Variants in GRIN3A observed in about 807,000 individuals in gnomAD.
The protein encoded by GRIN3A is glutamate receptor ionotropic, NMDA 3A.
Under a neutral mutation model 92.4 loss-of-function variants are expected in GRIN3A, and 47 were observed. The ratio of observed to expected loss-of-function variants is 0.51; its 90% CI spans 0.40 to 0.65. GRIN3A has a LOEUF of 0.65. Ranked by LOEUF, GRIN3A falls within the 30% of genes least tolerant of loss-of-function variation. The pLI is 0.00. For synonymous variants in GRIN3A, 527 were observed against 540.6 expected (o/e 0.97, Z 0.35); for missense variants, 1,324 against 1,393.1 (o/e 0.95, Z 0.79).
chr9:101,683,637 C>T (rs1223895551), intron 2 of GRIN3A, among the ~76,000 whole-genome samples: 2 of 152,136 alleles, frequency 1.3e-5, no homozygotes, highest in Non-Finnish European at 2.9e-5. Context: ...TAAAAAGTCT[C>T]AGGTATACTT....
intron 3 of GRIN3A, among the ~76,000 whole-genome samples, chr9:101,646,299 G>C (rs377254521): frequency 6.8e-4 from 103 of 151,922 alleles, no homozygotes; most frequent in African/African-American, 2.5e-3. Context: ...TGGAGATCCA[G>C]TTTTCCTAGT....
chr9:101,605,881 A>G (rs535822966), intron 6 of GRIN3A, among the ~76,000 whole-genome samples: 3 of 152,332 alleles, frequency 2.0e-5, no homozygotes, highest in African/African-American at 2.4e-5. Context: ...TCAGTACTCA[A>G]TAACAACGGA....
rs532013422 is a variant in GRIN3A at position 101,732,504 on chromosome 9, A to G, written c.699+4777T>C. ...GGTAATACAGAAACAGTACTGTGGC[A>G]TGTCTTCTTTTTCCAGGCAAGTGTG... is the stretch of plus-strand genomic sequence containing the variant. On this transcript the variant is annotated intron_variant, in intron 1 of 8. Coordinates refer to ENST00000361820, the MANE Select transcript of GRIN3A (RefSeq NM_133445.3). Among the ~76,000 whole-genome samples the G allele has an allele frequency of 2.2e-3, 329 of 152,254 alleles. 4 individuals carry two copies. The highest frequency in any genetic ancestry group is 3.1e-3 in the Non-Finnish European group (211 of 68,014).
At chr9:101,720,015 T>A (rs78457317) in intron 1 of GRIN3A, among the ~76,000 whole-genome samples, 5,683 of 152,138 alleles carry the variant, frequency 0.037, 116 homozygotes, top group African/African-American at 0.054. Flanking sequence ...CATGGGAGCA[T>A]CCAAGATAAA....
intron 1 of GRIN3A, among the ~76,000 whole-genome samples, chr9:101,694,955 G>A (rs997950971): frequency 4.6e-5 from 7 of 152,118 alleles, no homozygotes; most frequent in East Asian, 1.9e-4. Flanking sequence ...AGAAAGAGGT[G>A]GCTTTATTTG....
chr9:101,663,361 G>A (rs886211130), intron 3 of GRIN3A, among the ~76,000 whole-genome samples: 10 of 151,788 alleles, frequency 6.6e-5, no homozygotes, highest in African/African-American at 2.4e-4. Flanking sequence ...ATTCCATGTT[G>A]CAAGGACAGT....
At chr9:101,574,804 A>G (rs113844824) in intron 8 of GRIN3A, among the ~76,000 whole-genome samples, 3 of 152,018 alleles carry the variant, frequency 2.0e-5, no homozygotes, top group African/African-American at 4.8e-5. Context: ...GCACATTTCC[A>G]CTCTCTTGGA....
At chr9:101,660,407 C>T (rs983850589) in intron 3 of GRIN3A, among the ~76,000 whole-genome samples, 2 of 151,816 alleles carry the variant, frequency 1.3e-5, no homozygotes, top group Non-Finnish European at 2.9e-5. Flanking sequence ...TACCTCAATC[C>T]TACTGGTCTC....
At position 101,613,475 on chromosome 9, in the gene GRIN3A, C is replaced by T. The variant is rs568775285; in HGVS notation, c.2667G>A (p.Glu889=). ...CATGTGACTTGTATTGACTGATTAG[C>T]TCGGATATGTTGGCGGTCAATGGAG... ...PNSPLTANIS[E]LISQYKSHGF... The change falls in exon 6 of 9, where the codon GAG becomes GAA. Residue 889 remains glutamate (E), a synonymous_variant. Coordinates refer to ENST00000361820, the MANE Select transcript of GRIN3A (RefSeq NM_133445.3). 68 of 1,614,162 alleles carry T rather than the reference C, an allele frequency of 4.2e-5. No homozygotes were observed. The East Asian group carries it at 1.1e-3, about 26-fold the overall frequency.
intron 2 of GRIN3A, among the ~76,000 whole-genome samples, chr9:101,673,932 A>G (rs1248195529): frequency 6.6e-6 from 1 of 152,086 alleles, no homozygotes; most frequent in African/African-American, 2.4e-5. Context: ...TGTCACTGGA[A>G]CAGAGAGCAA....
chr9:101,654,860 G>A (rs1405138940), intron 3 of GRIN3A, among the ~76,000 whole-genome samples: 1 of 151,796 alleles, frequency 6.6e-6, no homozygotes, highest in Non-Finnish European at 1.5e-5. Context: ...TTGCTAAAGT[G>A]TAAGATTTTG....
intron 1 of GRIN3A, among the ~76,000 whole-genome samples, chr9:101,711,813 A>T (rs546020952): frequency 1.3e-5 from 2 of 152,298 alleles, no homozygotes; most frequent in Admixed American, 1.3e-4. Context: ...AGCTAAGATA[A>T]TTAAGGCTCC....
chr9:101,627,236 A>G (rs1402099846), intron 4 of GRIN3A, among the ~76,000 whole-genome samples: 1 of 152,218 alleles, frequency 6.6e-6, no homozygotes, highest in African/African-American at 2.4e-5. Flanking sequence ...TAAAAGTGGC[A>G]TTTCATAATA....
intron 5 of GRIN3A, among the ~76,000 whole-genome samples, chr9:101,618,900 A>G (rs576744304): frequency 6.6e-6 from 1 of 152,194 alleles, no homozygotes; most frequent in Non-Finnish European, 1.5e-5. Context: ...TGGCTTTGCA[A>G]TAAAGACAGG....
chr9:101,724,193 G>A (rs1435314723), intron 1 of GRIN3A, among the ~76,000 whole-genome samples: 2 of 152,212 alleles, frequency 1.3e-5, no homozygotes, highest in East Asian at 1.9e-4. Flanking sequence ...GGCTCGGGCC[G>A]CACAGGAGCC....
chr9:101,737,941 G>T lies in GRIN3A; in HGVS notation c.39C>A (p.Val13=). 1 of 1,538,066 alleles carries T rather than the reference G, an allele frequency of 6.5e-7. No homozygotes were observed. Among genetic ancestry groups the T allele is most frequent in the Non-Finnish European group, 8.7e-7 (1 of 1,148,632 alleles). The change falls in exon 1 of 9, where the codon GTC becomes GTA. Residue 13 remains valine (V), a synonymous_variant. Transcript: ENST00000361820. ...RLSLWWLLSR[V]CLLLPPPCAL... ...CGCAGGGCGGCGGCAACAGCAGACA[G>T]ACCCTGCTCAGCAGCCACCACAAAC...
intron 3 of GRIN3A, among the ~76,000 whole-genome samples, chr9:101,652,933 T>A (rs1177100977): frequency 2.3e-5 from 1 of 43,078 alleles, no homozygotes; most frequent in Non-Finnish European, 5.5e-5. Flanking sequence ...TCCTTGTGAT[T>A]TTTTTTAGGG....
intron 3 of GRIN3A, among the ~76,000 whole-genome samples, chr9:101,638,983 C>T (rs537465179): frequency 1.3e-5 from 2 of 152,290 alleles, no homozygotes; most frequent in Admixed American, 6.5e-5. Flanking sequence ...CTGGTTTATG[C>T]GCTTGGCCCT....
At chr9:101,615,279 A>T (rs1346669874) in intron 5 of GRIN3A, among the ~76,000 whole-genome samples, 1 of 150,602 alleles carries the variant, frequency 6.6e-6, no homozygotes, top group African/African-American at 2.4e-5. Flanking sequence ...TTTTTCATGG[A>T]TAAAGACTAA....
Sources: allele counts gnomAD v4.1 joint callset (sites outside exome capture counted in the v4.1 genomes callset), GRCh38; gene constraint gnomAD v4.1.1; transcripts MANE v1.5; gene names NCBI Gene and HGNC (gene_info 2026-07-23, HGNC 2026-07-21).